Variants in MINK1 observed in about 807,000 individuals in gnomAD.
MINK1 encodes misshapen-like kinase 1.
A neutral mutation model predicts 178.4 loss-of-function variants in MINK1; 46 were observed. That is an observed-to-expected ratio of 0.26 (90% CI 0.20 to 0.33). The LOEUF (loss-of-function observed/expected upper bound fraction) is 0.33, where lower values mean the gene tolerates loss of function less well. MINK1 is among the 10% of genes least tolerant of loss of function. The pLI, the probability that MINK1 is intolerant of heterozygous loss-of-function variation, is 1.00. For synonymous variants in MINK1, 797 were observed against 709.7 expected, an observed-to-expected ratio of 1.12 and a Z score of -1.96; for missense variants, 1,366 against 1,814.9, an observed-to-expected ratio of 0.75 and a Z score of 4.49.
At chr17:4,891,341 T>C in intron 15 of MINK1, 115 bp from the exon 16 acceptor site, 1 of 1,390,296 alleles carries the variant, frequency 7.2e-7, no homozygotes, top group East Asian at 2.5e-5. Context: ...AAGGAACCCC[T>C]TGTCCTTCAA....
At chr17:4,838,750 T>C (rs1022315659) in intron 1 of MINK1, among the ~76,000 whole-genome samples, 1 of 152,198 alleles carries the variant, frequency 6.6e-6, no homozygotes, top group Non-Finnish European at 1.5e-5. Flanking sequence ...CCAGACAAAG[T>C]TGAATCAGAG....
chr17:4,877,067 A>G (rs1967242756), intron 1 of MINK1, among the ~76,000 whole-genome samples: 1 of 151,492 alleles, frequency 6.6e-6, no homozygotes. Flanking sequence ...AGCCTGGGTG[A>G]CAGAGTGAGA....
In MINK1 at chr17:4,880,253, C is replaced by G. The variant is rs140983467; in HGVS notation, c.124-731C>G. Among the ~76,000 whole-genome samples the G allele has an allele frequency of 4.5e-3, 691 of 151,940 alleles. 3 individuals are homozygous for G. Among genetic ancestry groups the G allele is most frequent in the African/African-American group, 0.016 (671 of 41,442 alleles). On this transcript the variant is annotated intron_variant, in intron 2 of 31. Transcript: ENST00000355280. ...TGTCCACTCCCATGAGCAGCACATT[C>G]ACTGAGGTGTGTAGCCACAATGAGG...
At chr17:4,860,790 G>A (rs764391832) in intron 1 of MINK1, 1 of 519,946 alleles carries the variant, frequency 1.9e-6, no homozygotes, top group Admixed American at 1.9e-5. Flanking sequence ...GAAGGACCAC[G>A]GCGCTGTGTC....
Position 4,892,217 on chromosome 17 carries a change from C to G in MINK1, c.2070C>G (p.Ala690=), listed in dbSNP as rs868154687. 6.3e-7 allele frequency: 1 copy of G among 1,590,270 alleles called. No individual in the cohort carries two copies. The highest frequency in any genetic ancestry group is 1.3e-5 in the African/African-American group (1 of 74,354). ...GTGGGGCCGGAGGGTCCCGGCCAGC[C>G]CAGGCAGTCCGTGCCAGGTAATGCC... ...NTSGAGGSRP[A]QAVRARPRSN... is the part of the protein sequence containing the mutation. The change falls in exon 17 of 32, where the codon GCC becomes GCG. Residue 690 remains alanine (A), a synonymous_variant. Transcript: ENST00000355280.
At position 4,891,561 on chromosome 17, in the gene MINK1, T is replaced by G. The variant is rs1446562205; in HGVS notation, c.1846T>G (p.Ser616Ala). The change falls in exon 16 of 32, where the codon TCC (serine) becomes GCC (alanine). Residue 616 changes from serine to alanine, a missense_variant. Physicochemically the swap from Ser to Ala is moderately conservative, Grantham distance 99 (BLOSUM62 1). This residue lies in a region of MINK1 where 709 missense variants were observed against 692.3 expected (regional missense o/e 1.02). Coordinates refer to ENST00000355280, the MANE Select transcript of MINK1 (RefSeq NM_153827.5). Reference sequence around the variant, plus strand: ...CCGAAACCTGGCTGCCTTCCCAGCCTCCCATGACCCCGACCCTGCCATCCC... The same window carrying G: ...CCGAAACCTGGCTGCCTTCCCAGCCGCCCATGACCCCGACCCTGCCATCCC... ...PTRNLAAFPA[S>A]HDPDPAIPAP... is the part of the protein sequence containing the mutation. 1 of 1,607,968 alleles carries G rather than the reference T, an allele frequency of 6.2e-7. No homozygotes were observed. The highest frequency in any genetic ancestry group is 2.2e-5 in the East Asian group (1 of 44,576).
At chr17:4,884,784 A>G (rs1176819396) in intron 5 of MINK1, 128 bp from the exon 6 acceptor site, 6 of 788,252 alleles carry the variant, frequency 7.6e-6, no homozygotes, top group African/African-American at 1.7e-5. Flanking sequence ...CTCCTGGTGG[A>G]GAAGGTCTGC....
In MINK1 at chr17:4,893,025, A is replaced by C. The variant is rs1403056007; in HGVS notation, c.2358A>C (p.Lys786Asn). 1 of 1,578,818 alleles carries C rather than the reference A, an allele frequency of 6.3e-7. No homozygotes were observed. The highest frequency in any genetic ancestry group is 1.8e-5 in the Admixed American group (1 of 54,912). Residue 786 changes from lysine to asparagine, a missense_variant, in exon 20 of 32, where the codon AAA becomes AAC. Physicochemically the swap from Lys to Asn is moderately conservative, Grantham distance 94 (BLOSUM62 0). Around this residue, in one of 14 missense-constraint regions of MINK1, gnomAD observed 709 missense variants for 692.3 expected, o/e 1.02. Transcript: ENST00000355280. ...DSSPVLSPGN[K>N]AKPDDHRSRP... is the part of the protein sequence containing the mutation. ...CCCCTGTGCTCTCCCCTGGGAATAA[A>C]GCCAAGCCCGACGACCACCGCTCAC...
chr17:4,875,598 C>T (rs1487524028), intron 1 of MINK1: 2 of 397,474 alleles, frequency 5.0e-6, no homozygotes, highest in South Asian at 1.8e-5. Flanking sequence ...CAGGGTGAAA[C>T]CACGTCTCTA....
chr17:4,858,603 A>G (rs1004954169), intron 1 of MINK1, among the ~76,000 whole-genome samples: 2 of 151,076 alleles, frequency 1.3e-5, no homozygotes, highest in African/African-American at 4.9e-5. Context: ...TACCCTCCTG[A>G]GTAGCTGGGA....
chr17:4,882,813 G>A (rs1033029831), intron 4 of MINK1, among the ~76,000 whole-genome samples: 4 of 151,516 alleles, frequency 2.6e-5, no homozygotes, highest in Admixed American at 6.6e-5. Context: ...GTTTTTTCCC[G>A]CAACCATTTA....
intron 1 of MINK1, chr17:4,850,867 C>T (rs1038602328): frequency 1.8e-5 from 6 of 334,094 alleles, no homozygotes; most frequent in Non-Finnish European, 2.4e-5. Flanking sequence ...TGTCCTCCTC[C>T]GTTAGCTTGG....
chr17:4,891,622 T>G lies in MINK1; in HGVS notation c.1907T>G (p.Val636Gly), dbSNP rs761339929. Residue 636 changes from valine to glycine, a missense_variant, in exon 16 of 32, where the codon GTC becomes GGC. By Grantham distance (109) the Val-to-Gly change is moderately radical. This residue lies in a region of MINK1 where 709 missense variants were observed against 692.3 expected (regional missense o/e 1.02). Coordinates refer to ENST00000355280, the MANE Select transcript of MINK1 (RefSeq NM_153827.5). Reference protein sequence around the residue: ...PTATPSARGAVIRQNSDPTSE... With the variant: ...PTATPSARGAGIRQNSDPTSE... The stretch of plus-strand genomic sequence containing the variant: ...GCCACGCCCAGTGCCCGAGGAGCTG[T>G]CATCCGCCAGAATTCAGACCCCACC... 10 of 1,602,436 alleles carry G rather than the reference T, an allele frequency of 6.2e-6. No homozygotes were observed. The highest frequency in any genetic ancestry group is 1.3e-5 in the African/African-American group (1 of 74,656).
Position 4,894,458 on chromosome 17 carries a change from C to CA in MINK1, c.2809-66dup. 6.6e-7 allele frequency: 1 copy of CA among 1,516,272 alleles called. No individual in the cohort carries two copies. The highest frequency in any genetic ancestry group is 1.2e-5 in the South Asian group (1 of 83,420). 93.9% of individuals were successfully genotyped at this position (1,516,272 alleles called of 1,614,324 possible). A position where few individuals can be genotyped will look rare whatever the true frequency, so the allele number is the denominator to read the frequency against. ...AGTTGGGGAGCTGGAGCCTGGGGAA[C>CA]AGCAGCAGGGGCAGGGCCGCAGCTG... is the stretch of plus-strand genomic sequence containing the variant. On this transcript the variant is annotated intron_variant, in intron 23 of 31. Transcript: ENST00000355280. This position sits in a 1 kb window ranked among gnomAD's most constrained non-coding sequence, Gnocchi z 4.1.
At chr17:4,848,579 C>CACCGTGTTA (rs1486152288) in intron 1 of MINK1, among the ~76,000 whole-genome samples, 6 of 152,350 alleles carry the variant, frequency 3.9e-5, no homozygotes, top group African/African-American at 1.4e-4. Context: ...CCAGGATGGT[C>CACCGTGTTA]TCCATCTCCT....
intron 19 of MINK1, 82 bp from the exon 20 acceptor site, chr17:4,892,897 G>C: frequency 7.1e-7 from 1 of 1,417,956 alleles, no homozygotes; most frequent in Non-Finnish European, 9.7e-7. Flanking sequence ...GGAACTTGGG[G>C]CTGAGTTCTG....
chr17:4,887,129 C>T lies in MINK1; in HGVS notation c.969C>T (p.Tyr323=), dbSNP rs1269937220. ...RGEKEETEYE[Y]SGSEEEDDSH... is the part of the protein sequence containing the mutation. Reference sequence around the variant, plus strand: ...CTGCAGAGGAGACAGAATATGAGTACAGCGGCAGCGAGGAGGAAGATGACA... The same window carrying T: ...CTGCAGAGGAGACAGAATATGAGTATAGCGGCAGCGAGGAGGAAGATGACA... The change falls in exon 11 of 32, where the codon TAC becomes TAT. Residue 323 remains tyrosine, a synonymous_variant. Transcript: ENST00000355280. This position sits in a 1 kb window ranked among gnomAD's most constrained non-coding sequence, Gnocchi z 7.6. The T allele has an allele frequency of 8.1e-6, 13 of 1,601,658 alleles. No homozygotes were observed. Among genetic ancestry groups the T allele is most frequent in the Non-Finnish European group, 1.1e-5 (13 of 1,174,394 alleles).
intron 21 of MINK1, 30 bp from the exon 22 acceptor site, chr17:4,893,958 C>G (rs772947400): frequency 4.6e-6 from 7 of 1,525,786 alleles, no homozygotes; most frequent in Middle Eastern, 1.7e-4. Context: ...CGGGCAGGAC[C>G]TGGAGGGGCC....
At chr17:4,844,918 G>T (rs1469731733) in intron 1 of MINK1, among the ~76,000 whole-genome samples, 1 of 152,072 alleles carries the variant, frequency 6.6e-6, no homozygotes, top group Non-Finnish European at 1.5e-5. Flanking sequence ...GGCATTAAGT[G>T]CATTCACATT....
Sources: gnomAD v4.1 joint callset for allele counts (sites outside exome capture counted in the v4.1 genomes callset) on GRCh38, gnomAD v4.1.1 for gene constraint, gnomAD v4.1.1 regional missense constraint, Gnocchi (gnomAD v3.1) non-coding constraint, MANE v1.5 for transcripts, NCBI Gene and HGNC (gene_info 2026-07-23, HGNC 2026-07-21) for gene names.